ZFHX3: variants seen among roughly 807,000 people sequenced by gnomAD.
ZFHX3 encodes the protein zinc finger homeobox protein 3.
In ZFHX3, 42 loss-of-function variants were observed where a neutral mutation model predicts 279.1. That is an observed-to-expected ratio of 0.15 (90% CI 0.12 to 0.19). The LOEUF (loss-of-function observed/expected upper bound fraction) is 0.19, where lower values mean the gene tolerates loss of function less well. Ranked by LOEUF, ZFHX3 falls within the 10% of genes least tolerant of loss-of-function variation. The probability of loss-of-function intolerance (pLI) is 1.00; values close to 1 mark genes in which losing one functional copy is unlikely to be tolerated. For missense variants in ZFHX3, 4,981 were observed against 4,754.0 expected, an observed-to-expected ratio of 1.05 and a Z score of -1.40; for synonymous variants, 2,293 against 1,957.8, an observed-to-expected ratio of 1.17 and a Z score of -4.52.
intron 2 of ZFHX3, among the ~76,000 whole-genome samples, chr16:73,553,075 T>C (rs570088948): frequency 4.7e-4 from 71 of 152,326 alleles, no homozygotes; most frequent in Admixed American, 4.6e-3. Flanking sequence ...AGACAAGCAC[T>C]ATGTATGCCA....
chr16:73,213,935 C>T (rs1427297222), intron 5 of ZFHX3, among the ~76,000 whole-genome samples: 1 of 152,218 alleles, frequency 6.6e-6, no homozygotes, highest in African/African-American at 2.4e-5. Flanking sequence ...TGTAAGCCAT[C>T]TGCACCCTTT....
At chr16:72,951,177 G>A (rs561234441) in intron 2 of ZFHX3, among the ~76,000 whole-genome samples, 3 of 152,306 alleles carry the variant, frequency 2.0e-5, no homozygotes, top group Admixed American at 1.3e-4. Context: ...GACATTCTGA[G>A]ATTTCTGGCA....
chr16:73,335,111 T>C (rs1441747923), intron 3 of ZFHX3, among the ~76,000 whole-genome samples: 2 of 152,076 alleles, frequency 1.3e-5, no homozygotes, highest in Non-Finnish European at 2.9e-5. Context: ...AAGACATACA[T>C]AAAGAGTTTC....
chr16:73,347,828 G>A (rs2016150456), intron 3 of ZFHX3, among the ~76,000 whole-genome samples: 1 of 152,238 alleles, frequency 6.6e-6, no homozygotes. Context: ...ATTATACTTT[G>A]TAGATTAAAG....
chr16:73,165,078 G>A (rs541735605), intron 5 of ZFHX3, among the ~76,000 whole-genome samples: 4 of 152,306 alleles, frequency 2.6e-5, no homozygotes, highest in East Asian at 1.9e-4. Flanking sequence ...CACAGGAAAC[G>A]TCCATGCTCT....
chr16:73,779,432 T>C (rs937144399), intron 1 of ZFHX3, among the ~76,000 whole-genome samples: 3 of 2,202 alleles, frequency 1.4e-3, no homozygotes, highest in Admixed American at 0.012. Flanking sequence ...CATTCTAGTA[T>C]GGAATCATCG....
intron 3 of ZFHX3, among the ~76,000 whole-genome samples, chr16:72,920,699 A>T (rs1467755391): frequency 1.3e-5 from 2 of 151,962 alleles, no homozygotes; most frequent in African/African-American, 2.4e-5. Flanking sequence ...AAACACACCT[A>T]GAGGAAAAAC....
chr16:73,832,741 G>GT (rs1177126199), intron 1 of ZFHX3, among the ~76,000 whole-genome samples: 2 of 151,866 alleles, frequency 1.3e-5, no homozygotes, highest in African/African-American at 2.4e-5. Flanking sequence ...TTTATTCAGT[G>GT]TTTTTTTCTT....
rs34134596 is a variant in ZFHX3 at position 73,084,514 on chromosome 16, A to ATT, written c.-533+8719_-533+8720dup. Among the ~76,000 whole-genome samples, 333 of 92,608 alleles carry ATT rather than the reference A, an allele frequency of 3.6e-3. 1 individual carries two copies. The highest frequency in any genetic ancestry group is 7.5e-3 in the African/African-American group (186 of 24,732). 60.8% of individuals were successfully genotyped at this position (92,608 alleles called of 152,430 possible). ...AAAAATATAAAATACCTAGGACTAAATTTTTTTTTTTTTTTTTTTTTTTTG... is the reference window on the plus strand; with the variant it reads ...AAAAATATAAAATACCTAGGACTAAATTTTTTTTTTTTTTTTTTTTTTTTTTG... On this transcript the variant is annotated intron_variant, in intron 8 of 17. Transcript: ENST00000641206.
At chr16:73,351,824 C>T (rs541721981) in intron 3 of ZFHX3, among the ~76,000 whole-genome samples, 29 of 152,300 alleles carry the variant, frequency 1.9e-4, no homozygotes, top group African/African-American at 6.3e-4. Flanking sequence ...AGAATAGTGC[C>T]CTCCCCCAAA....
At chr16:72,979,434 G>A (rs532198161) in intron 1 of ZFHX3, among the ~76,000 whole-genome samples, 10 of 152,288 alleles carry the variant, frequency 6.6e-5, no homozygotes, top group South Asian at 4.1e-4. Context: ...AGGCCATTTC[G>A]CCATAGGAAA....
chr16:73,813,821 T>C (rs565644044), intron 1 of ZFHX3: 3 of 152,362 alleles, frequency 2.0e-5, no homozygotes, highest in South Asian at 4.1e-4. Context: ...ACACAGATCA[T>C]GGCTATCAGA....
chr16:73,835,762 C>A (rs183838128), intron 1 of ZFHX3, among the ~76,000 whole-genome samples: 1 of 152,012 alleles, frequency 6.6e-6, no homozygotes, highest in African/African-American at 2.4e-5. Context: ...TGAGCCACCA[C>A]GCCCGGCCTC....
chr16:73,627,969 G>T (rs2052434195), intron 2 of ZFHX3, among the ~76,000 whole-genome samples: 1 of 152,140 alleles, frequency 6.6e-6, no homozygotes, highest in African/African-American at 2.4e-5. Flanking sequence ...ATGAGAAGTA[G>T]CATGAAGAGG....
At chr16:73,282,413 A>G (rs1428480429) in intron 4 of ZFHX3, among the ~76,000 whole-genome samples, 3 of 152,060 alleles carry the variant, frequency 2.0e-5, no homozygotes, top group Non-Finnish European at 4.4e-5. Flanking sequence ...TTTATCTGTA[A>G]TTCTGTTATC....
intron 1 of ZFHX3, among the ~76,000 whole-genome samples, chr16:73,784,822 C>CAT (rs1186480200): frequency 6.8e-6 from 1 of 146,262 alleles, no homozygotes; most frequent in African/African-American, 2.5e-5. Flanking sequence ...TATATACACA[C>CAT]ACACACACAC....
At chr16:73,194,654 T>A (rs1282182719) in intron 5 of ZFHX3, among the ~76,000 whole-genome samples, 3 of 152,244 alleles carry the variant, frequency 2.0e-5, no homozygotes, top group African/African-American at 7.2e-5. Flanking sequence ...GAACCCAAGC[T>A]AGGCTTCATA....
intron 2 of ZFHX3, among the ~76,000 whole-genome samples, chr16:73,548,948 T>C (rs1223056044): frequency 6.6e-6 from 1 of 152,174 alleles, no homozygotes; most frequent in East Asian, 1.9e-4. Context: ...GAGACGGCTC[T>C]CAGCAGCTAA....
At chr16:73,740,192 A>G (rs2053643404) in intron 1 of ZFHX3, among the ~76,000 whole-genome samples, 2 of 152,202 alleles carry the variant, frequency 1.3e-5, no homozygotes, top group South Asian at 4.2e-4. Flanking sequence ...GAGACTTTAA[A>G]CTCAAGGAAA....
Sources: gnomAD v4.1 joint callset for allele counts (sites outside exome capture counted in the v4.1 genomes callset) on GRCh38, gnomAD v4.1.1 for gene constraint, MANE v1.5 for transcripts, NCBI Gene and HGNC (gene_info 2026-07-23, HGNC 2026-07-21) for gene names.